Variants in CSGALNACT1 observed in about 807,000 individuals in gnomAD.
CSGALNACT1 encodes beta4GalNAcT-1.
Under a neutral mutation model 51.0 loss-of-function variants are expected in CSGALNACT1, and 52 were observed. The observed-to-expected ratio is 1.02, with a 90% confidence interval of 0.82 to 1.29. The LOEUF (loss-of-function observed/expected upper bound fraction) is 1.29, where lower values mean the gene tolerates loss of function less well. Among genes scored for constraint, CSGALNACT1 ranks in the 50% most tolerant of loss-of-function variants. The probability of loss-of-function intolerance (pLI) is 0.00; values close to 1 mark genes in which losing one functional copy is unlikely to be tolerated. For missense variants in CSGALNACT1, 935 were observed against 679.2 expected (o/e 1.38, Z -4.19); for synonymous variants, 341 against 254.4 (o/e 1.34, Z -3.24).
At chr8:19,422,799 G>C (rs569754285) in intron 6 of CSGALNACT1, among the ~76,000 whole-genome samples, 1 of 152,048 alleles carries the variant, frequency 6.6e-6, no homozygotes, top group Non-Finnish European at 1.5e-5. Context: ...TTCCCTTCCC[G>C]GTTTGGTCAG....
intron 3 of CSGALNACT1, among the ~76,000 whole-genome samples, chr8:19,564,368 C>T (rs1200934378): frequency 3.3e-5 from 5 of 151,482 alleles, no homozygotes; most frequent in Non-Finnish European, 7.4e-5. Flanking sequence ...TCAGAAATTT[C>T]AATTTCGTTT....
At chr8:19,497,335 C>T (rs562579076) in intron 4 of CSGALNACT1, among the ~76,000 whole-genome samples, 3 of 152,212 alleles carry the variant, frequency 2.0e-5, no homozygotes, top group East Asian at 3.9e-4. Flanking sequence ...ACAGACAATA[C>T]TCAGGGAAAA....
At chr8:19,721,998 C>T (rs74925393) in intron 1 of CSGALNACT1, among the ~76,000 whole-genome samples, 24,014 of 147,670 alleles carry the variant, frequency 0.16, 2,108 homozygotes, top group African/African-American at 0.23. Flanking sequence ...AGTAAGTCTT[C>T]GACTCAAGCA....
rs147375787 is a variant in CSGALNACT1, at chr8:19,741,974, T to C, written c.-297+15876A>G. 1.6e-3 allele frequency among the ~76,000 whole-genome samples: 250 copies of C among 152,288 alleles called. 4 individuals carry two copies. In the East Asian group the frequency reaches 0.036, roughly 22 times the overall value. Reference sequence around the variant, plus strand: ...AAATCCCTGCTCAACCCTGAACAGCTGCGTAACCTTGAGCAAGACATTAAG... The same window carrying C: ...AAATCCCTGCTCAACCCTGAACAGCCGCGTAACCTTGAGCAAGACATTAAG... On this transcript the variant is annotated intron_variant, in intron 1 of 1. Coordinates refer to the CSGALNACT1 transcript ENST00000517494.
At chr8:19,495,108 G>C (rs2075216082) in intron 4 of CSGALNACT1, 1 of 152,184 alleles carries the variant, frequency 6.6e-6, no homozygotes, top group Non-Finnish European at 1.5e-5. Context: ...ATGGAAACAG[G>C]TGGAGAGGGA....
chr8:19,572,342 T>G (rs1032373829), intron 3 of CSGALNACT1, among the ~76,000 whole-genome samples: 2 of 152,216 alleles, frequency 1.3e-5, no homozygotes, highest in African/African-American at 4.8e-5. Context: ...TTCATGGATA[T>G]TCAGTGAAAC....
chr8:19,463,623 CT>C (rs1285978027), intron 4 of CSGALNACT1, among the ~76,000 whole-genome samples: 1 of 152,220 alleles, frequency 6.6e-6, no homozygotes, highest in Non-Finnish European at 1.5e-5. Flanking sequence ...AAACATCTTC[CT>C]TGTCATCTTG....
chr8:19,627,549 A>T (rs76878980), intron 1 of CSGALNACT1, among the ~76,000 whole-genome samples: 6,226 of 152,220 alleles, frequency 0.041, 203 homozygotes, highest in Admixed American at 0.068. Context: ...AAGGCCAGGC[A>T]TGGTGATTCA....
chr8:19,568,288 C>G (rs1439363646), intron 3 of CSGALNACT1, among the ~76,000 whole-genome samples: 1 of 152,122 alleles, frequency 6.6e-6, no homozygotes, highest in Non-Finnish European at 1.5e-5. Flanking sequence ...AAGCATGTTA[C>G]TGTATTGAAT....
intron 1 of CSGALNACT1, among the ~76,000 whole-genome samples, chr8:19,694,971 G>A (rs1045292306): frequency 3.9e-5 from 6 of 152,116 alleles, no homozygotes; most frequent in African/African-American, 1.4e-4. Flanking sequence ...CATTCAACAA[G>A]CCCCGGAGAC....
chr8:19,462,475 A>G (rs1442795276), intron 4 of CSGALNACT1, among the ~76,000 whole-genome samples: 2 of 152,234 alleles, frequency 1.3e-5, no homozygotes, highest in Non-Finnish European at 2.9e-5. Flanking sequence ...ATGGACATCT[A>G]TTTATGAAGA....
At chr8:19,557,965 A>G (rs2039843828) in intron 3 of CSGALNACT1, among the ~76,000 whole-genome samples, 1 of 152,212 alleles carries the variant, frequency 6.6e-6, no homozygotes, top group Non-Finnish European at 1.5e-5. Context: ...AAAGACATGT[A>G]AAAATGAAAA....
At chr8:19,472,176 T>C (rs1197157745) in intron 4 of CSGALNACT1, among the ~76,000 whole-genome samples, 4 of 152,114 alleles carry the variant, frequency 2.6e-5, no homozygotes, top group African/African-American at 9.7e-5. Context: ...ACAAACAACA[T>C]GCAAGGAGGG....
At chr8:19,638,325 C>A (rs1358455622) in intron 1 of CSGALNACT1, among the ~76,000 whole-genome samples, 1 of 152,172 alleles carries the variant, frequency 6.6e-6, no homozygotes, top group Non-Finnish European at 1.5e-5. Context: ...GGGCAACAGA[C>A]AAGCCCACCC....
At chr8:19,598,922 G>A (rs2049593411) in intron 2 of CSGALNACT1, among the ~76,000 whole-genome samples, 1 of 152,130 alleles carries the variant, frequency 6.6e-6, no homozygotes, top group Non-Finnish European at 1.5e-5. Flanking sequence ...TGCCTTATAA[G>A]AGCCAGGCAC....
In CSGALNACT1 at chr8:19,540,953, C is replaced by G. The variant is rs2084959874; in HGVS notation, c.-296-34823G>C. 2.6e-5 allele frequency among the ~76,000 whole-genome samples: 4 copies of G among 152,328 alleles called. No individual in the cohort carries two copies. The South Asian group carries it at 8.3e-4, about 32-fold the overall frequency. Reference sequence around the variant, plus strand: ...AGCTGCCAGTTCTCTCAACACTCTCCAAGCCCCTACCCTGTCCCCAGACTG... The same window carrying G: ...AGCTGCCAGTTCTCTCAACACTCTCGAAGCCCCTACCCTGTCCCCAGACTG... On this transcript the variant is annotated intron_variant, in intron 3 of 9. Transcript: ENST00000454498.
chr8:19,671,781 T>C (rs1443118659), intron 1 of CSGALNACT1, among the ~76,000 whole-genome samples: 1 of 152,120 alleles, frequency 6.6e-6, no homozygotes, highest in Non-Finnish European at 1.5e-5. Flanking sequence ...TTGCTCTAAA[T>C]TGAGAATATA....
intron 3 of CSGALNACT1, among the ~76,000 whole-genome samples, chr8:19,575,409 A>G (rs1293954949): frequency 6.6e-6 from 1 of 152,222 alleles, no homozygotes; most frequent in Non-Finnish European, 1.5e-5. Flanking sequence ...CTGAAGCTGA[A>G]TCTAATCAAG....
intron 4 of CSGALNACT1, among the ~76,000 whole-genome samples, chr8:19,472,819 T>C (rs2068513217): frequency 6.6e-6 from 1 of 152,242 alleles, no homozygotes; most frequent in Non-Finnish European, 1.5e-5. Context: ...GATAATATAA[T>C]ACTCATTCAT....
Sources: gnomAD v4.1 joint callset for allele counts (sites outside exome capture counted in the v4.1 genomes callset) on GRCh38, gnomAD v4.1.1 for gene constraint, MANE v1.5 for transcripts, NCBI Gene and HGNC (gene_info 2026-07-23, HGNC 2026-07-21) for gene names.